The following UGT1A8 variants were observed in gnomAD, a reference collection of about 807,000 sequenced individuals.
The protein encoded by UGT1A8 is UDP-glucuronosyltransferase 1A8.
UGT1A8 carries 39 observed loss-of-function variants against 45.3 expected under a neutral mutation model. The ratio of observed to expected loss-of-function variants is 0.86; its 90% CI spans 0.67 to 1.12. The LOEUF is 1.12. Ranked by LOEUF, UGT1A8 falls within the 50% of genes most tolerant of loss-of-function variation. The pLI, the probability that UGT1A8 is intolerant of heterozygous loss-of-function variation, is 0.00. For synonymous variants in UGT1A8, 275 were observed against 249.2 expected (o/e 1.10, Z -0.97); for missense variants, 719 against 664.9 (o/e 1.08, Z -0.90).
chr2:233,729,041 C>G, intron 1 of UGT1A8: 1 of 1,605,398 alleles, frequency 6.2e-7, no homozygotes, highest in East Asian at 2.2e-5. Context: ...CTAAGTGGCT[C>G]AGTGACAAGG....
chr2:233,690,110 CAT>C lies in UGT1A8; in HGVS notation c.855+71551_855+71552del, dbSNP rs575670687. ...TAAATTGCTCCTGCATCTTATGTCA[CAT>C]ATGTCTTTGTAACTTGGTGAGCTAA... On this transcript the variant is annotated intron_variant, in intron 1 of 4. Coordinates refer to ENST00000373450, the MANE Select transcript of UGT1A8 (RefSeq NM_019076.5). 4.1e-3 allele frequency among the ~76,000 whole-genome samples: 622 copies of C among 152,324 alleles called. 1 individual carries two copies. Among genetic ancestry groups the C allele is most frequent in the Middle Eastern group, 0.01 (3 of 294 alleles).
chr2:233,719,162 G>T (rs1279561037), intron 1 of UGT1A8: 6 of 1,614,136 alleles, frequency 3.7e-6, no homozygotes, highest in Non-Finnish European at 4.2e-6. Context: ...CTAGAAGTAT[G>T]GCAATTATGA....
At position 233,758,625 on chromosome 2, in the gene UGT1A8, A is replaced by AC. The variant is rs554859025; in HGVS notation, c.856-8407dup. ...TTCAGTGTGCATGTGCATGCAAAGT[A>AC]CCTACTCTAAGGAGAAGAATGAGAG... On this transcript the variant is annotated intron_variant, in intron 1 of 4. Transcript: ENST00000373450. Among the ~76,000 whole-genome samples the AC allele has an allele frequency of 6.6e-5, 10 of 152,284 alleles. No individual in the cohort carries two copies. The South Asian group carries it at 2.1e-3, about 32-fold the overall frequency.
intron 1 of UGT1A8, among the ~76,000 whole-genome samples, chr2:233,658,076 T>C (rs1209806114): frequency 1.3e-5 from 2 of 149,908 alleles, no homozygotes; most frequent in African/African-American, 4.9e-5. Flanking sequence ...TGGAGTGCAG[T>C]GGGGCAATCT....
chr2:233,681,989 C>T, intron 1 of UGT1A8: 1 of 1,614,168 alleles, frequency 6.2e-7, no homozygotes, highest in Non-Finnish European at 8.5e-7. Context: ...GTGTCTACTG[C>T]TGACCTGTGG....
intron 1 of UGT1A8, chr2:233,714,008 T>A (rs1460602380): frequency 4.9e-5 from 75 of 1,532,242 alleles, no homozygotes; most frequent in Non-Finnish European, 6.4e-5. Context: ...TGAGATAAAC[T>A]TTTAAAGGGT....
chr2:233,659,351 T>C (rs1393410566), intron 1 of UGT1A8, among the ~76,000 whole-genome samples: 1 of 152,164 alleles, frequency 6.6e-6, no homozygotes, highest in Non-Finnish European at 1.5e-5. Flanking sequence ...ACCAATAACG[T>C]AAATAGCCAA....
At chr2:233,759,537 C>T (rs1642121675) in intron 1 of UGT1A8, among the ~76,000 whole-genome samples, 1 of 152,180 alleles carries the variant, frequency 6.6e-6, no homozygotes, top group South Asian at 2.1e-4. Context: ...CTTCTGTTCA[C>T]ATGCGCTCCA....
At chr2:233,631,855 A>G (rs986887827) in intron 1 of UGT1A8, among the ~76,000 whole-genome samples, 1 of 151,892 alleles carries the variant, frequency 6.6e-6, no homozygotes, top group Non-Finnish European at 1.5e-5. Flanking sequence ...CCATTTCTCA[A>G]TTTTGGCTTT....
chr2:233,625,885 C>T (rs911386769), intron 1 of UGT1A8, among the ~76,000 whole-genome samples: 8 of 151,934 alleles, frequency 5.3e-5, no homozygotes, highest in African/African-American at 1.7e-4. Flanking sequence ...ATCAGCATCA[C>T]ACAATATACT....
chr2:233,755,426 C>G, intron 1 of UGT1A8: 1 of 320,654 alleles, frequency 3.1e-6, no homozygotes, highest in South Asian at 2.7e-5. Flanking sequence ...GAGCGCCTCG[C>G]ATCCCAAGAT....
intron 1 of UGT1A8, among the ~76,000 whole-genome samples, chr2:233,638,593 A>T (rs2073366614): frequency 6.6e-6 from 1 of 152,224 alleles, no homozygotes; most frequent in Non-Finnish European, 1.5e-5. Context: ...GAAAAATACC[A>T]GAATAAGATT....
At chr2:233,719,756 C>A in intron 1 of UGT1A8, 2 of 1,612,434 alleles carry the variant, frequency 1.2e-6, no homozygotes, top group Non-Finnish European at 1.7e-6. Context: ...TATTTACTTA[C>A]AAGTGCTTCC....
intron 1 of UGT1A8, among the ~76,000 whole-genome samples, chr2:233,725,570 A>G (rs1169063809): frequency 1.3e-5 from 2 of 152,178 alleles, no homozygotes; most frequent in Admixed American, 1.3e-4. Flanking sequence ...TATATTCGAT[A>G]TAAGATTATG....
intron 1 of UGT1A8, among the ~76,000 whole-genome samples, chr2:233,686,214 T>G (rs1292644045): frequency 6.6e-6 from 1 of 151,828 alleles, no homozygotes; most frequent in Non-Finnish European, 1.5e-5. Flanking sequence ...ATTAGAAAAA[T>G]ATTTGTGACC....
chr2:233,674,084 A>G (rs976104126), intron 1 of UGT1A8, among the ~76,000 whole-genome samples: 1 of 152,154 alleles, frequency 6.6e-6, no homozygotes, highest in African/African-American at 2.4e-5. Flanking sequence ...TAATCTCAGT[A>G]TATTATTTTG....
At chr2:233,724,615 G>A (rs2077289109) in intron 1 of UGT1A8, among the ~76,000 whole-genome samples, 1 of 137,470 alleles carries the variant, frequency 7.3e-6, no homozygotes, top group South Asian at 2.8e-4. Flanking sequence ...GCCGGGCAGA[G>A]ACGCTCCTCA....
intron 1 of UGT1A8, chr2:233,741,725 C>G (rs1312283881): frequency 6.6e-6 from 1 of 151,856 alleles, no homozygotes; most frequent in Non-Finnish European, 1.5e-5. Flanking sequence ...AGAGCATATC[C>G]AAACCCATAT....
At chr2:233,638,699 T>C (rs1198429810) in intron 1 of UGT1A8, among the ~76,000 whole-genome samples, 1 of 152,184 alleles carries the variant, frequency 6.6e-6, no homozygotes, top group Non-Finnish European at 1.5e-5. Context: ...TTTTTATGTA[T>C]TGTTCTGGTT....
Sources: allele counts gnomAD v4.1 joint callset (sites outside exome capture counted in the v4.1 genomes callset), GRCh38; gene constraint gnomAD v4.1.1; transcripts MANE v1.5; gene names NCBI Gene and HGNC (gene_info 2026-07-23, HGNC 2026-07-21).